Variants in NCOA7 observed in about 807,000 individuals in gnomAD.
The protein encoded by NCOA7 is nuclear receptor coactivator 7, also known as 140 kDa estrogen receptor-associated protein.
In NCOA7, 45 loss-of-function variants were observed where a neutral mutation model predicts 104.3. The observed-to-expected ratio is 0.43, with a 90% CI of 0.34 to 0.55. The LOEUF (loss-of-function observed/expected upper bound fraction) is 0.55, where lower values mean the gene tolerates loss of function less well. Ranked by LOEUF, NCOA7 falls within the 20% of genes least tolerant of loss-of-function variation. The pLI is 0.02. For missense variants in NCOA7, 1,041 were observed against 1,119.7 expected, an observed-to-expected ratio of 0.93 and a Z score of 1.00; for synonymous variants, 398 against 402.3, an observed-to-expected ratio of 0.99 and a Z score of 0.13.
intron 3 of NCOA7, among the ~76,000 whole-genome samples, chr6:125,869,318 C>T (rs1051028604): frequency 1.3e-5 from 2 of 152,162 alleles, no homozygotes; most frequent in Admixed American, 6.5e-5. Flanking sequence ...ACACCCTCCC[C>T]AGTCTTCCCC....
chr6:125,853,005 G>A (rs756958402), intron 2 of NCOA7, among the ~76,000 whole-genome samples: 1 of 152,124 alleles, frequency 6.6e-6, no homozygotes, highest in Non-Finnish European at 1.5e-5. Context: ...TGAATCTGTC[G>A]ATTGCTTTGG....
chr6:125,872,152 G>A (rs1782982280), intron 3 of NCOA7, among the ~76,000 whole-genome samples: 1 of 151,960 alleles, frequency 6.6e-6, no homozygotes, highest in Non-Finnish European at 1.5e-5. Context: ...TTACATGCTT[G>A]ACATTTTTCT....
At chr6:125,921,912 T>A (rs1050949662) in intron 12 of NCOA7, among the ~76,000 whole-genome samples, 1 of 152,232 alleles carries the variant, frequency 6.6e-6, no homozygotes, top group African/African-American at 2.4e-5. Context: ...TAGTAAGGAA[T>A]CCCTGGCATT....
rs184258677 is a variant in NCOA7, at chr6:125,929,617, C to T, written c.*846C>T. ...CAGCTTTCCATTTAGTCAATAAAAGCGTACATTTTTAGTTACTTACCTTGA... is the reference window on the plus strand; with the variant it reads ...CAGCTTTCCATTTAGTCAATAAAAGTGTACATTTTTAGTTACTTACCTTGA... On this transcript the variant is annotated 3_prime_UTR_variant, in exon 16 of 16. Coordinates refer to ENST00000392477, the MANE Select transcript of NCOA7 (RefSeq NM_181782.5). 4.6e-5 allele frequency: 7 copies of T among 152,068 alleles called. No individual in the cohort carries two copies. The highest frequency in any genetic ancestry group is 1.2e-4 in the African/African-American group (5 of 41,486). 9.4% of individuals were successfully genotyped at this position (152,068 alleles called of 1,614,324 possible). A position where few individuals can be genotyped will look rare whatever the true frequency, so the allele number is the denominator to read the frequency against.
At chr6:125,861,089 G>A (rs574216616) in intron 3 of NCOA7, among the ~76,000 whole-genome samples, 1 of 152,266 alleles carries the variant, frequency 6.6e-6, no homozygotes, top group East Asian at 1.9e-4. Flanking sequence ...AATATAAAAT[G>A]TGTAATGTCT....
rs374294453 is a variant in NCOA7, at chr6:125,922,689, G to A, written c.2378G>A (p.Arg793Gln). The change falls in exon 13 of 16, where the codon CGA becomes CAA. Residue 793 changes from arginine to glutamine, a missense_variant. Coordinates refer to ENST00000392477, the MANE Select transcript of NCOA7 (RefSeq NM_181782.5). Reference sequence around the variant, plus strand: ...CTTCCTTTGGCTTTGTAGCTGGCCCGACGCCTTCCTGCAAGGGTGCAAGGG... The same window carrying A: ...CTTCCTTTGGCTTTGTAGCTGGCCCAACGCCTTCCTGCAAGGGTGCAAGGG... The part of the protein sequence containing the change: ...LENMHIEQLA[R>Q]RLPARVQGYP... 2.1e-5 allele frequency: 34 copies of A among 1,611,970 alleles called. No homozygotes were observed. The highest frequency in any genetic ancestry group is 3.7e-4 in the Middle Eastern group (2 of 5,342).
rs1788268432 is a variant in NCOA7, at chr6:125,928,725, A to G, written c.2783A>G (p.Lys928Arg). ...STFNNDILSK[K>R]EDFIVQDLEV... Reference sequence around the variant, plus strand: ...TTCAATAATGATATTCTTTCCAAAAAGGAAGACTTCATAGTTCAGGATCTG... The same window carrying G: ...TTCAATAATGATATTCTTTCCAAAAGGGAAGACTTCATAGTTCAGGATCTG... Residue 928 changes from lysine (K) to arginine (R), a missense_variant, in exon 16 of 16, where the codon AAG (lysine) becomes AGG (arginine). By Grantham distance (26) the Lys-to-Arg change is conservative (BLOSUM62 2). Coordinates refer to ENST00000392477, the MANE Select transcript of NCOA7 (RefSeq NM_181782.5). 6.2e-7 allele frequency: 1 copy of G among 1,613,848 alleles called. No homozygotes were observed. The highest frequency in any genetic ancestry group is 1.7e-5 in the Admixed American group (1 of 59,980).
intron 1 of NCOA7, among the ~76,000 whole-genome samples, chr6:125,806,062 C>T (rs1354568799): frequency 1.3e-5 from 2 of 151,944 alleles, no homozygotes; most frequent in Admixed American, 6.6e-5. Flanking sequence ...ACCTTTCAGC[C>T]GGGCACAATG....
intron 4 of NCOA7, among the ~76,000 whole-genome samples, chr6:125,877,241 C>T (rs1238121706): frequency 6.6e-6 from 1 of 152,092 alleles, no homozygotes; most frequent in South Asian, 2.1e-4. Flanking sequence ...AGTAGTTGGA[C>T]CTCTGATACT....
At chr6:125,847,459 C>T (rs657895) in intron 2 of NCOA7, among the ~76,000 whole-genome samples, 115,281 of 152,164 alleles carry the variant, frequency 0.76, 44,284 homozygotes, top group South Asian at 0.87. Flanking sequence ...AAGGTATTTA[C>T]GTCTTTTTCA....
intron 10 of NCOA7, among the ~76,000 whole-genome samples, chr6:125,906,350 T>C (rs1228916743): frequency 1.3e-5 from 2 of 151,530 alleles, no homozygotes; most frequent in Admixed American, 6.6e-5. Context: ...CTTGAAAAAA[T>C]AGAGGCTAAA....
chr6:125,861,552 AT>A (rs1001812984), intron 3 of NCOA7, among the ~76,000 whole-genome samples: 8 of 152,144 alleles, frequency 5.3e-5, no homozygotes, highest in South Asian at 2.1e-4. Context: ...TCCAATTAAT[AT>A]TTTTTTAATC....
At chr6:125,839,176 GGAGCAATCTCAGCT>G (rs1779892387) in intron 2 of NCOA7, among the ~76,000 whole-genome samples, 1 of 152,090 alleles carries the variant, frequency 6.6e-6, no homozygotes, top group African/African-American at 2.4e-5. Flanking sequence ...AGAGTGCAGT[GGAGCAATCTCAGCT>G]CACTGCAACC....
chr6:125,857,296 G>A (rs1458379766), intron 3 of NCOA7, among the ~76,000 whole-genome samples: 1 of 152,040 alleles, frequency 6.6e-6, no homozygotes, highest in Non-Finnish European at 1.5e-5. Flanking sequence ...GGAGTACAAT[G>A]GTAGGATTAT....
chr6:125,896,507 A>G (rs906714742), intron 10 of NCOA7, among the ~76,000 whole-genome samples: 7 of 152,150 alleles, frequency 4.6e-5, no homozygotes, highest in African/African-American at 1.7e-4. Flanking sequence ...AATAGATTTT[A>G]TGGCTGGGCG....
chr6:125,839,414 G>A (rs540535071), intron 2 of NCOA7, among the ~76,000 whole-genome samples: 7 of 152,122 alleles, frequency 4.6e-5, no homozygotes, highest in Non-Finnish European at 8.8e-5. Flanking sequence ...CACTGCGCGA[G>A]GCCTAGGCCT....
chr6:125,917,171 T>G (rs1464698053), intron 11 of NCOA7, among the ~76,000 whole-genome samples: 16 of 147,052 alleles, frequency 1.1e-4, no homozygotes, highest in Admixed American at 1.1e-3. Flanking sequence ...AGACATTAAT[T>G]CAGTAGGTCT....
At chr6:125,923,508 G>T (rs1167524143) in intron 13 of NCOA7, among the ~76,000 whole-genome samples, 2 of 152,074 alleles carry the variant, frequency 1.3e-5, no homozygotes, top group East Asian at 3.9e-4. Context: ...GTTTTTTTCG[G>T]TCACTTTCCT....
intron 2 of NCOA7, among the ~76,000 whole-genome samples, chr6:125,819,193 G>C (rs1777912181): frequency 6.6e-6 from 1 of 152,008 alleles, no homozygotes; most frequent in Non-Finnish European, 1.5e-5. Context: ...TAATCGTTGT[G>C]TGACTGTGTT....
Sources: gnomAD v4.1 joint callset for allele counts (sites outside exome capture counted in the v4.1 genomes callset) on GRCh38, gnomAD v4.1.1 for gene constraint, MANE v1.5 for transcripts, NCBI Gene and HGNC (gene_info 2026-07-23, HGNC 2026-07-21) for gene names.